The following NHSL1 variants were observed in gnomAD, a reference collection of about 807,000 sequenced individuals.
The protein encoded by NHSL1 is NHS like 1.
NHSL1 carries 48 observed loss-of-function variants against 95.0 expected under a neutral mutation model. That is an observed-to-expected ratio of 0.51 (90% CI 0.40 to 0.64). The LOEUF is 0.64. NHSL1 is among the 30% of genes least tolerant of loss of function. The pLI is 0.00. For missense variants in NHSL1, 1,971 were observed against 2,077.7 expected (o/e 0.95, Z 1.00); for synonymous variants, 783 against 833.9 (o/e 0.94, Z 1.05).
intron 3 of NHSL1, among the ~76,000 whole-genome samples, chr6:138,463,919 A>G (rs1162930624): frequency 6.6e-6 from 1 of 152,088 alleles, no homozygotes; most frequent in Admixed American, 6.6e-5. Context: ...ACGTATCACC[A>G]CCTGGTGTTG....
intron 1 of NHSL1, among the ~76,000 whole-genome samples, chr6:138,496,711 C>T (rs529949183): frequency 6.6e-6 from 1 of 152,258 alleles, no homozygotes; most frequent in East Asian, 1.9e-4. Context: ...CTTAACCCCC[C>T]TCGCACACAC....
intron 1 of NHSL1, among the ~76,000 whole-genome samples, chr6:138,578,708 G>T (rs796878266): frequency 3.6e-4 from 53 of 149,036 alleles, no homozygotes; most frequent in African/African-American, 1.2e-3. Flanking sequence ...CTTTTTTTTT[G>T]TAAATTGTAT....
At chr6:138,606,702 C>CTTTTTTTTTT (rs777156294) in intron 1 of NHSL1, among the ~76,000 whole-genome samples, 14 of 123,406 alleles carry the variant, frequency 1.1e-4, no homozygotes, top group Admixed American at 2.7e-4. Context: ...TTCTTTCTTT[C>CTTTTTTTTTT]TTTTTTTTTT....
intron 1 of NHSL1, among the ~76,000 whole-genome samples, chr6:138,630,210 G>A (rs562325621): frequency 6.3e-4 from 95 of 150,520 alleles, no homozygotes; most frequent in Middle Eastern, 3.4e-3. Flanking sequence ...TTGTCTCCCC[G>A]CCCACTCCCA....
At position 138,437,307 on chromosome 6, in the gene NHSL1, TATATATATATATAC is replaced by T. The variant is rs1223541923; in HGVS notation, c.665-3641_665-3628del. On this transcript the variant is annotated intron_variant, in intron 5 of 7. Coordinates refer to ENST00000343505, the MANE Select transcript of NHSL1 (RefSeq NM_001144060.2). ...AAAAATACACAAATGTATATATATA[TATATATATATATAC>T]ACACACACATATATATATATACACA... Among the ~76,000 whole-genome samples the T allele has an allele frequency of 1.3e-4, 16 of 120,948 alleles. 1 individual carries two copies. The highest frequency in any genetic ancestry group is 5.7e-4 in the African/African-American group (16 of 27,938). The allele number at this position is 120,948 out of a possible 152,430, so 79.3% of individuals were successfully genotyped here.
intron 1 of NHSL1, among the ~76,000 whole-genome samples, chr6:138,537,290 A>C (rs916796886): frequency 5.9e-5 from 9 of 152,210 alleles, no homozygotes; most frequent in African/African-American, 2.2e-4. Flanking sequence ...CATAGCTTTC[A>C]AAATATTTGT....
At chr6:138,435,058 TAGAC>T (rs1775984917) in intron 5 of NHSL1, among the ~76,000 whole-genome samples, 2 of 152,180 alleles carry the variant, frequency 1.3e-5, no homozygotes, top group South Asian at 2.1e-4. Flanking sequence ...TGAAGACAGA[TAGAC>T]AGACACATAC....
At chr6:138,576,618 A>G (rs772319184), upstream of NHSL1, among the ~76,000 whole-genome samples, 6 of 152,174 alleles carry the variant, frequency 3.9e-5, no homozygotes, top group Non-Finnish European at 7.3e-5. Context: ...TTTAAATTAC[A>G]TGTTTAATGG....
chr6:138,584,121 GTAAA>G (rs1420038947), intron 1 of NHSL1, among the ~76,000 whole-genome samples: 4 of 152,070 alleles, frequency 2.6e-5, no homozygotes, highest in Non-Finnish European at 5.9e-5. Flanking sequence ...TTTATCTCAA[GTAAA>G]TAAATAAATA....
intron 4 of NHSL1, among the ~76,000 whole-genome samples, 155 bp from the exon 5 acceptor site, chr6:138,442,269 A>G (rs113418997): frequency 0.013 from 2,003 of 152,354 alleles, 41 homozygotes; most frequent in African/African-American, 0.045. Flanking sequence ...AAAAAGGAAG[A>G]AAAGCACATT....
In NHSL1 at chr6:138,677,320, T is replaced by G. The variant is rs139906578; in HGVS notation, c.96+15156A>C. 2.4e-3 allele frequency among the ~76,000 whole-genome samples: 359 copies of G among 152,280 alleles called. 2 individuals carry two copies. The highest frequency in any genetic ancestry group is 8.4e-3 in the African/African-American group (348 of 41,562). On this transcript the variant is annotated intron_variant, in intron 1 of 3. Coordinates refer to the NHSL1 transcript ENST00000491526. Reference sequence around the variant, plus strand: ...GAGCATAATCCTCTCTCCTCCAATTTTGTTTAAAAAGTATGTCCCTACCCT... The same window carrying G: ...GAGCATAATCCTCTCTCCTCCAATTGTGTTTAAAAAGTATGTCCCTACCCT...
At chr6:138,531,681 T>C (rs1335727914) in intron 1 of NHSL1, among the ~76,000 whole-genome samples, 5 of 152,046 alleles carry the variant, frequency 3.3e-5, no homozygotes, top group African/African-American at 1.2e-4. Context: ...TTTGTCTTTT[T>C]GTTTTTTGTT....
At position 138,589,540 on chromosome 6, in the gene NHSL1, C is replaced by G. The variant is rs1324705489; in HGVS notation, c.97-93169G>C. Among the ~76,000 whole-genome samples, 3 of 152,246 alleles carry G rather than the reference C, an allele frequency of 2.0e-5. No individual in the cohort carries two copies. In the East Asian group the frequency reaches 5.8e-4, roughly 29 times the overall value. Reference sequence around the variant, plus strand: ...GAGGCTTGGCAGAGACTCGCCTGCCCCTCGCTGCTCAGCACACAGAGGGTT... The same window carrying G: ...GAGGCTTGGCAGAGACTCGCCTGCCGCTCGCTGCTCAGCACACAGAGGGTT... On this transcript the variant is annotated intron_variant, in intron 1 of 3. Transcript: ENST00000491526.
In NHSL1 at chr6:138,432,640, G is replaced by A; in HGVS notation, c.1705C>T (p.His569Tyr). 6.4e-7 allele frequency: 1 copy of A among 1,551,730 alleles called. No individual in the cohort carries two copies. The highest frequency in any genetic ancestry group is 8.7e-7 in the Non-Finnish European group (1 of 1,146,992). ...GNGRASPLKP[H>Y]LATPGYSTPT... The stretch of plus-strand genomic sequence containing the variant: ...GTGGAATAGCCAGGAGTTGCTAAAT[G>A]CGGCTTCAGGGGGGATGCCCTTCCA... Residue 569 changes from histidine to tyrosine, a missense_variant, in exon 6 of 8, where the codon CAT (histidine) becomes TAT (tyrosine). Physicochemically the swap from His to Tyr is moderately conservative, Grantham distance 83 (BLOSUM62 2). This residue lies in a region of NHSL1 where 1,602 missense variants were observed against 1,654.5 expected (regional missense o/e 0.97). Transcript: ENST00000343505. This position sits in a 1 kb window ranked among gnomAD's most constrained non-coding sequence, Gnocchi z 4.4.
intron 1 of NHSL1, among the ~76,000 whole-genome samples, chr6:138,610,178 A>T (rs1205544852): frequency 6.6e-6 from 1 of 152,202 alleles, no homozygotes; most frequent in Non-Finnish European, 1.5e-5. Context: ...GAAAAGCTAG[A>T]TTTGGAGGCA....
chr6:138,519,031 T>G (rs1021326081), intron 1 of NHSL1, among the ~76,000 whole-genome samples: 1 of 150,422 alleles, frequency 6.6e-6, no homozygotes, highest in Admixed American at 6.7e-5. Flanking sequence ...AATAAATGAA[T>G]AAATAAATAA....
At chr6:138,470,063 TA>T (rs1451636644) in intron 3 of NHSL1, among the ~76,000 whole-genome samples, 3 of 152,166 alleles carry the variant, frequency 2.0e-5, no homozygotes, top group African/African-American at 4.8e-5. Context: ...CTAATTAATA[TA>T]TATTTGATAA....
intron 1 of NHSL1, among the ~76,000 whole-genome samples, chr6:138,567,914 C>T (rs1783680663): frequency 6.6e-6 from 1 of 152,162 alleles, no homozygotes; most frequent in Non-Finnish European, 1.5e-5. Flanking sequence ...CCAGGATCAT[C>T]AATCACGCTT....
chr6:138,562,576 C>A (rs1296987195), intron 1 of NHSL1, among the ~76,000 whole-genome samples: 1 of 152,238 alleles, frequency 6.6e-6, no homozygotes, highest in Non-Finnish European at 1.5e-5. Flanking sequence ...GCACGAGAAT[C>A]GTTTGAACCC....
Sources: gnomAD v4.1 joint callset for allele counts (sites outside exome capture counted in the v4.1 genomes callset) on GRCh38, gnomAD v4.1.1 for gene constraint, gnomAD v4.1.1 regional missense constraint, Gnocchi (gnomAD v3.1) non-coding constraint, MANE v1.5 for transcripts, NCBI Gene and HGNC (gene_info 2026-07-23, HGNC 2026-07-21) for gene names.